Variants in CD99 observed in about 807,000 individuals in gnomAD.
CD99 encodes the protein CD99 molecule (Xg blood group), also known as CD99 antigen.
Under a neutral mutation model 28.4 loss-of-function variants are expected in CD99, and 19 were observed. That is an observed-to-expected ratio of 0.67 (90% CI 0.47 to 0.98). The LOEUF (loss-of-function observed/expected upper bound fraction) is 0.98. Among genes scored for constraint, CD99 ranks in the 50% least tolerant of loss-of-function variants. CD99 has a pLI of 0.00. For synonymous variants in CD99, 103 were observed against 92.1 expected, an observed-to-expected ratio of 1.12 and a Z score of -0.67; for missense variants, 283 against 248.8, an observed-to-expected ratio of 1.14 and a Z score of -0.92.
chrX:2,698,290 C>G (rs2047673262), intron 1 of CD99, among the ~76,000 whole-genome samples: 1 of 151,722 alleles, frequency 6.6e-6, no homozygotes, highest in Non-Finnish European at 1.5e-5. Flanking sequence ...TCACCTCAGC[C>G]TTCCAAGGAG....
intron 8 of CD99, chrX:2,737,976 G>T: frequency 1.4e-6 from 1 of 711,874 alleles, no homozygotes; most frequent in Non-Finnish European, 2.6e-6. Context: ...CCCTGTTGAA[G>T]TTCATCTCTG....
intron 7 of CD99, among the ~76,000 whole-genome samples, chrX:2,723,820 T>C (rs1219978927): frequency 2.6e-5 from 4 of 152,138 alleles, no homozygotes; most frequent in Non-Finnish European, 4.4e-5. Context: ...GTGCCGGTGA[T>C]GTATCTCCTG....
At chrX:2,706,815 T>G (rs1603267376) in intron 1 of CD99, among the ~76,000 whole-genome samples, 1 of 152,046 alleles carries the variant, frequency 6.6e-6, no homozygotes, top group Non-Finnish European at 1.5e-5. Flanking sequence ...CTAATTTTTT[T>G]TAATTAATTA....
chrX:2,730,339 A>AT (rs113645593), intron 8 of CD99, among the ~76,000 whole-genome samples: 10,960 of 151,724 alleles, frequency 0.072, 1,081 homozygotes, highest in East Asian at 0.28. Flanking sequence ...CGTCCAGCTA[A>AT]TTTTTCATAT....
intron 1 of CD99, among the ~76,000 whole-genome samples, chrX:2,705,098 T>C (rs2048055688): frequency 6.6e-6 from 1 of 152,218 alleles, no homozygotes. Context: ...CTTTCCATAG[T>C]TTGCTAGCAG....
At chrX:2,714,887 TCATAGA>T in intron 2 of CD99, 3 of 158,314 alleles carry the variant, frequency 1.9e-5, no homozygotes. Flanking sequence ...AAAACTAGAC[TCATAGA>T]TGACGAGGAA....
At chrX:2,691,789 G>C in intron 1 of CD99, 1 of 772,380 alleles carries the variant, frequency 1.3e-6, no homozygotes, top group Middle Eastern at 2.3e-4. Context: ...TACCCCCAGG[G>C]TTTGGGGACC....
At chrX:2,706,814 T>TTTAA (rs947498023) in intron 1 of CD99, among the ~76,000 whole-genome samples, 1 of 152,088 alleles carries the variant, frequency 6.6e-6, no homozygotes, top group Non-Finnish European at 1.5e-5. Flanking sequence ...CCTAATTTTT[T>TTTAA]TTAATTAATT....
intron 8 of CD99, among the ~76,000 whole-genome samples, chrX:2,728,854 T>TGA (rs2049438968): frequency 7.2e-6 from 1 of 138,216 alleles, no homozygotes; most frequent in Non-Finnish European, 1.5e-5. Context: ...TTTTTTTTTT[T>TGA]GAGACGGAGT....
In CD99 at chrX:2,738,020, CT is replaced by C. The variant is rs768012357; in HGVS notation, c.476-178del. ...ATGCATGAAAAAATACTGGCAAAGT[CT>C]TCACTTACATGAGTGTTAGACTCCA... On this transcript the variant is annotated intron_variant, in intron 8 of 9. Transcript: ENST00000381192. The C allele has an allele frequency of 5.5e-5, 40 of 732,530 alleles. No individual in the cohort carries two copies. The Middle Eastern group carries it at 6.8e-4, about 12-fold the overall frequency. The allele number at this position is 732,530 out of a possible 1,614,324, so 45.4% of individuals were successfully genotyped here.
At chrX:2,709,642 C>G (rs188638896) in intron 1 of CD99, among the ~76,000 whole-genome samples, 1 of 152,026 alleles carries the variant, frequency 6.6e-6, no homozygotes, top group Non-Finnish European at 1.5e-5. Context: ...TGCATGAGCA[C>G]GCGTATATGA....
Position 2,726,317 on chromosome X carries a change from G to C in CD99, c.419G>C (p.Gly140Ala). ...IVGAVVVAVAGAISSFIAYQK... is the reference protein window; with the variant it reads ...IVGAVVVAVAAAISSFIAYQK... Reference sequence around the variant, plus strand: ...GGGGCTGTCGTGGTCGCCGTGGCTGGAGCCATCTCTAGCTTCATTGCTTAC... The same window carrying C: ...GGGGCTGTCGTGGTCGCCGTGGCTGCAGCCATCTCTAGCTTCATTGCTTAC... The change falls in exon 8 of 10, where the codon GGA becomes GCA. Residue 140 changes from glycine (G) to alanine (A), a missense_variant. Transcript: ENST00000381192. 2 of 1,612,258 alleles carry C rather than the reference G, an allele frequency of 1.2e-6. No homozygotes were observed. Among genetic ancestry groups the C allele is most frequent in the East Asian group, 4.5e-5 (2 of 44,876 alleles).
intron 7 of CD99, among the ~76,000 whole-genome samples, chrX:2,724,030 G>A (rs1400889762): frequency 5.1e-5 from 7 of 137,980 alleles, no homozygotes; most frequent in African/African-American, 2.1e-4. Context: ...GGGAAGGAAG[G>A]AAGGGAGGAA....
chrX:2,714,482 C>T, intron 2 of CD99, 28 bp downstream of exon 2: 1 of 1,569,990 alleles, frequency 6.4e-7, no homozygotes, highest in Non-Finnish European at 8.8e-7. Context: ...TTTTTAAAAT[C>T]CCGTCAATAT....
intron 8 of CD99, among the ~76,000 whole-genome samples, chrX:2,730,054 C>T (rs311085): frequency 0.66 from 99,543 of 151,910 alleles, 33,918 homozygotes; most frequent in African/African-American, 0.85. Context: ...CTCTGGAGGC[C>T]GAGGTGTGAG....
At chrX:2,706,359 C>CA (rs1445111889) in intron 1 of CD99, among the ~76,000 whole-genome samples, 3 of 151,794 alleles carry the variant, frequency 2.0e-5, no homozygotes, top group Non-Finnish European at 4.4e-5. Flanking sequence ...CACTCTGTCT[C>CA]AAAAAAAGGA....
intron 6 of CD99, 137 bp downstream of exon 6, chrX:2,722,811 T>C: frequency 1.1e-6 from 1 of 943,232 alleles, no homozygotes; most frequent in Non-Finnish European, 1.7e-6. Flanking sequence ...CTGTGGGAAC[T>C]CCGCCTGTTT....
At chrX:2,719,491 T>C in intron 3 of CD99, 170 bp from the exon 4 acceptor site, 2 of 682,200 alleles carry the variant, frequency 2.9e-6, no homozygotes, top group South Asian at 3.6e-5. Flanking sequence ...AGAATAGTGA[T>C]GTAAAAATGG....
At position 2,723,314 on chromosome X, in the gene CD99, G is replaced by A. The variant is rs776195577; in HGVS notation, c.311G>A (p.Gly104Glu). Residue 104 changes from glycine (G) to glutamate (E), a missense_variant and splice_region_variant, in exon 7 of 10, where the codon GGA (glycine) becomes GAA (glutamate). By Grantham distance (98) the Gly-to-Glu change is moderately conservative. Coordinates refer to ENST00000381192, the MANE Select transcript of CD99 (RefSeq NM_002414.5). ...DLADGVSGGE[G>E]KGGSDGGGSH... ...TGCAGACGTTGTTTTTGTCTTGCAG[G>A]AAAAGGAGGCAGTGATGGTGGAGGC... 8.7e-6 allele frequency: 14 copies of A among 1,613,846 alleles called. No individual in the cohort carries two copies. The highest frequency in any genetic ancestry group is 3.3e-5 in the Admixed American group (2 of 59,980).
Sources: allele counts gnomAD v4.1 joint callset (sites outside exome capture counted in the v4.1 genomes callset), GRCh38; gene constraint gnomAD v4.1.1; transcripts MANE v1.5; gene names NCBI Gene and HGNC (gene_info 2026-07-23, HGNC 2026-07-21).